The following SOX5 variants were observed in gnomAD, a reference collection of about 807,000 sequenced individuals.
SOX5 encodes transcription factor SOX-5.
In SOX5, 9 loss-of-function variants were observed where a neutral mutation model predicts 92.0. That is an observed-to-expected ratio of 0.10 (90% confidence interval 0.06 to 0.17). The LOEUF is 0.17. SOX5 is among the 10% of genes least tolerant of loss of function. The pLI is 1.00. For missense variants in SOX5, 642 were observed against 944.5 expected (o/e 0.68, Z 4.20); for synonymous variants, 344 against 336.3 (o/e 1.02, Z -0.25).
At chr12:24,420,274 C>T (rs141064502) in intron 1 of SOX5, among the ~76,000 whole-genome samples, 41 of 152,286 alleles carry the variant, frequency 2.7e-4, no homozygotes, top group Non-Finnish European at 3.8e-4. Flanking sequence ...CAGAAAACAG[C>T]GCTTCTTGGA....
chr12:23,967,717 A>AAAGACTTCTTAACTAAC (rs1454744633), intron 4 of SOX5, among the ~76,000 whole-genome samples: 10 of 152,214 alleles, frequency 6.6e-5, no homozygotes, highest in Non-Finnish European at 1.5e-4. Flanking sequence ...GAAGGATTGG[A>AAAGACTTCTTAACTAAC]AAGACTTCTT....
chr12:24,256,992 A>G (rs2140212869), intron 3 of SOX5, among the ~76,000 whole-genome samples: 1 of 152,334 alleles, frequency 6.6e-6, no homozygotes, highest in South Asian at 2.1e-4. Context: ...TTCTGCAGAG[A>G]AAACCATCAG....
chr12:24,158,181 A>C (rs1312144594), intron 4 of SOX5, among the ~76,000 whole-genome samples: 1 of 152,034 alleles, frequency 6.6e-6, no homozygotes, highest in Non-Finnish European at 1.5e-5. Context: ...CATTCCCATA[A>C]AAGGGGGCAA....
intron 4 of SOX5, among the ~76,000 whole-genome samples, chr12:24,124,603 G>A (rs894588591): frequency 3.3e-5 from 5 of 151,782 alleles, no homozygotes; most frequent in African/African-American, 4.8e-5. Flanking sequence ...AAGGATTTTG[G>A]GTGGATCCCC....
chr12:24,157,448 A>C (rs893216828), intron 4 of SOX5, among the ~76,000 whole-genome samples: 2 of 152,158 alleles, frequency 1.3e-5, no homozygotes, highest in African/African-American at 4.8e-5. Context: ...CAACTTATAT[A>C]GTCACAACTT....
intron 4 of SOX5, among the ~76,000 whole-genome samples, chr12:24,163,143 A>G (rs962424645): frequency 2.6e-5 from 4 of 152,174 alleles, no homozygotes; most frequent in Non-Finnish European, 5.9e-5. Context: ...ATAGTCCTGG[A>G]AGGCTTTTTA....
chr12:23,563,456 T>G lies in SOX5; in HGVS notation c.1343-53A>C, dbSNP rs975856857. On this transcript the variant is annotated intron_variant, in intron 10 of 14. Transcript: ENST00000451604. ...CTTTTGTATAAAAGCATGTCTAGGC[T>G]AGCGTTTAACCATAAAAATCACTTT... 2.6e-6 allele frequency: 4 copies of G among 1,549,186 alleles called. No individual in the cohort carries two copies. The African/African-American group carries it at 5.5e-5, about 21-fold the overall frequency.
chr12:23,898,638 A>T (rs2097201011), intron 1 of SOX5, among the ~76,000 whole-genome samples: 1 of 152,192 alleles, frequency 6.6e-6, no homozygotes, highest in Non-Finnish European at 1.5e-5. Context: ...ACCTAAATTA[A>T]CTTTCTATTT....
chr12:23,839,829 A>C (rs1158105727), intron 3 of SOX5, among the ~76,000 whole-genome samples: 2 of 5,320 alleles, frequency 3.8e-4, no homozygotes, highest in African/African-American at 1.4e-3. Context: ...TCAACTTGGT[A>C]AAAAAAAAAA....
At chr12:23,668,928 T>G (rs12302599) in intron 6 of SOX5, among the ~76,000 whole-genome samples, 2,620 of 152,294 alleles carry the variant, frequency 0.017, 84 homozygotes, top group African/African-American at 0.06. Flanking sequence ...CAATTACTCA[T>G]AGTTAAATAT....
chr12:23,711,239 C>T (rs1315088167), intron 6 of SOX5, among the ~76,000 whole-genome samples: 1 of 152,130 alleles, frequency 6.6e-6, no homozygotes, highest in Admixed American at 6.5e-5. Flanking sequence ...TTATTATCTC[C>T]CATGTGAAAT....
chr12:24,397,680 T>A (rs1960391747), intron 1 of SOX5, among the ~76,000 whole-genome samples: 1 of 151,296 alleles, frequency 6.6e-6, no homozygotes, highest in South Asian at 2.1e-4. Flanking sequence ...AAAAAAAAAA[T>A]CAACAAACTT....
chr12:24,169,297 T>C (rs1953791542), intron 4 of SOX5, among the ~76,000 whole-genome samples: 1 of 152,178 alleles, frequency 6.6e-6, no homozygotes, highest in Non-Finnish European at 1.5e-5. Context: ...TATAGAAAAC[T>C]TCATGAGATA....
At chr12:23,758,931 C>T (rs1296696456) in intron 3 of SOX5, among the ~76,000 whole-genome samples, 1 of 151,798 alleles carries the variant, frequency 6.6e-6, no homozygotes, top group East Asian at 1.9e-4. Flanking sequence ...TTGGACTTCT[C>T]AGTCTCCAGA....
At chr12:23,641,853 GTGT>G (rs2080116812) in intron 7 of SOX5, among the ~76,000 whole-genome samples, 1 of 152,170 alleles carries the variant, frequency 6.6e-6, no homozygotes, top group South Asian at 2.1e-4. Flanking sequence ...TATAAAAAAT[GTGT>G]TGAATATTGC....
At chr12:23,878,592 CTTTT>C (rs2096953924) in intron 2 of SOX5, among the ~76,000 whole-genome samples, 3 of 151,746 alleles carry the variant, frequency 2.0e-5, no homozygotes, top group Admixed American at 1.3e-4. Context: ...TGTTATTTTT[CTTTT>C]TGCTTGTCTT....
chr12:24,298,497 C>T (rs1426377059), intron 2 of SOX5, among the ~76,000 whole-genome samples: 7 of 151,854 alleles, frequency 4.6e-5, no homozygotes, highest in African/African-American at 1.5e-4. Flanking sequence ...AGTTGTTTCA[C>T]GATATTTTAA....
chr12:24,210,454 G>A (rs1035559174), intron 4 of SOX5, among the ~76,000 whole-genome samples: 1 of 152,130 alleles, frequency 6.6e-6, no homozygotes, highest in African/African-American at 2.4e-5. Context: ...CATGGATTGG[G>A]ATAATTATAA....
intron 8 of SOX5, among the ~76,000 whole-genome samples, chr12:23,639,502 T>C (rs2079750728): frequency 6.6e-6 from 1 of 152,234 alleles, no homozygotes; most frequent in Admixed American, 6.5e-5. Flanking sequence ...CTAATTCCAC[T>C]ACTCTTTTTA....
Sources: allele counts gnomAD v4.1 joint callset (sites outside exome capture counted in the v4.1 genomes callset), GRCh38; gene constraint gnomAD v4.1.1; transcripts MANE v1.5; gene names NCBI Gene and HGNC (gene_info 2026-07-23, HGNC 2026-07-21).